Variants in DNAH1 observed in about 807,000 individuals in gnomAD.
The protein encoded by DNAH1 is axonemal beta dynein heavy chain 1.
In DNAH1, 327 loss-of-function variants were observed where a neutral mutation model predicts 484.3. The ratio of observed to expected loss-of-function variants is 0.68; its 90% CI spans 0.62 to 0.74. The LOEUF is 0.74. Ranked by LOEUF, DNAH1 falls within the 30% of genes least tolerant of loss-of-function variation. The pLI is 0.00. For missense variants in DNAH1, 5,052 were observed against 5,546.8 expected, an observed-to-expected ratio of 0.91 and a Z score of 2.83; for synonymous variants, 2,192 against 2,191.9, an observed-to-expected ratio of 1.00 and a Z score of 0.00.
rs1266001581 is a variant in DNAH1 at position 52,391,281 on chromosome 3, G to A, written c.9844G>A (p.Val3282Met). ...TGGCAAGCCATGTCTCCTGGAGAAC[G>A]TGGGCGAGGAGCTAGACCCAGCCCT... is the stretch of plus-strand genomic sequence containing the variant. ...RFGKPCLLEN[V>M]GEELDPALEP... The change falls in exon 62 of 78, where the codon GTG becomes ATG. Residue 3282 changes from valine (V) to methionine (M), a missense_variant. Transcript: ENST00000420323. The A allele has an allele frequency of 1.2e-5, 19 of 1,613,140 alleles. No individual in the cohort carries two copies. Among genetic ancestry groups the A allele is most frequent in the Middle Eastern group, 3.3e-4 (2 of 6,062 alleles).
chr3:52,321,070 G>C (rs753755935), intron 1 of DNAH1, among the ~76,000 whole-genome samples: 1 of 151,570 alleles, frequency 6.6e-6, no homozygotes, highest in African/African-American at 2.4e-5. Flanking sequence ...GAAGTGCTGG[G>C]ATTACAGGCA....
intron 45 of DNAH1, 111 bp downstream of exon 45, chr3:52,375,524 C>T (rs1237737826): frequency 8.3e-6 from 10 of 1,210,442 alleles, no homozygotes; most frequent in Admixed American, 2.2e-5. Context: ...AAACCATGAC[C>T]GCAACCCTGG....
At chr3:52,335,742 C>G (rs1701720873) in intron 8 of DNAH1, among the ~76,000 whole-genome samples, 1 of 151,914 alleles carries the variant, frequency 6.6e-6, no homozygotes, top group African/African-American at 2.4e-5. Flanking sequence ...TCAAGTGATT[C>G]TCCTGCCTCA....
chr3:52,319,520 C>T (rs148853243), intron 1 of DNAH1, among the ~76,000 whole-genome samples: 110 of 152,356 alleles, frequency 7.2e-4, no homozygotes, highest in African/African-American at 2.5e-3. Context: ...ATTCACCATT[C>T]CCAACACTGT....
intron 70 of DNAH1, among the ~76,000 whole-genome samples, 194 bp from the exon 71 acceptor site, chr3:52,396,174 T>C (rs986659856): frequency 2.0e-5 from 3 of 152,046 alleles, no homozygotes; most frequent in Non-Finnish European, 4.4e-5. Flanking sequence ...ACCTCGTGAT[T>C]CGCCTGCCTT....
intron 8 of DNAH1, among the ~76,000 whole-genome samples, chr3:52,339,336 C>CT (rs964636313): frequency 3.3e-5 from 5 of 151,844 alleles, no homozygotes; most frequent in Non-Finnish European, 7.4e-5. Context: ...TGATTTGACT[C>CT]TGTTTTCTCT....
chr3:52,397,686 T>C (rs1704695278), intron 73 of DNAH1, 21 bp from the exon 74 acceptor site: 1 of 1,573,632 alleles, frequency 6.4e-7, no homozygotes, highest in African/African-American at 1.4e-5. Flanking sequence ...GGGGCTTCCA[T>C]GTTGGCCTCC....
chr3:52,366,522 G>C lies in DNAH1; in HGVS notation c.5584G>C (p.Gly1862Arg), dbSNP rs374197097. Residue 1862 changes from glycine to arginine, a missense_variant, in exon 35 of 78, where the codon GGG becomes CGG. Gly to Arg is a moderately radical substitution (Grantham distance 125, BLOSUM62 -2). This residue lies in a region of DNAH1 where 2,929 missense variants were observed against 3,409.4 expected (regional missense o/e 0.86). Transcript: ENST00000420323. ...GGTACGACACGGCCTCATGCTCGTC[G>C]GGCCCACAGGCTCCGGCAAGAGTAC... is the stretch of plus-strand genomic sequence containing the variant. ...TVVRHGLMLVGPTGSGKSTCY... is the reference protein window; with the variant it reads ...TVVRHGLMLVRPTGSGKSTCY... The C allele has an allele frequency of 6.3e-6, 10 of 1,599,916 alleles. No individual in the cohort carries two copies. The highest frequency in any genetic ancestry group is 8.5e-6 in the Non-Finnish European group (10 of 1,173,814).
At position 52,366,592 on chromosome 3, in the gene DNAH1, C is replaced by T. The variant is rs772388563; in HGVS notation, c.5610+44C>T. 1.6e-5 allele frequency: 25 copies of T among 1,564,698 alleles called. 1 individual carries two copies. In the South Asian group the frequency reaches 2.8e-4, roughly 18 times the overall value. The stretch of plus-strand genomic sequence containing the variant: ...GGCAGCCAGTGTCCGGATAGTGGGC[C>T]TGTAGGGGGGTGCAGCTTCAACAGG... On this transcript the variant is annotated intron_variant, in intron 35 of 77. Coordinates refer to ENST00000420323, the MANE Select transcript of DNAH1 (RefSeq NM_015512.5).
At chr3:52,327,361 A>T (rs1701384440) in intron 5 of DNAH1, among the ~76,000 whole-genome samples, 1 of 152,018 alleles carries the variant, frequency 6.6e-6, no homozygotes, top group Non-Finnish European at 1.5e-5. Context: ...TCTGGCTTTC[A>T]CCCACCTCCC....
At chr3:52,312,042 C>G (rs1428736643), upstream of DNAH1, among the ~76,000 whole-genome samples, 1 of 152,236 alleles carries the variant, frequency 6.6e-6, no homozygotes, top group African/African-American at 2.4e-5. Context: ...TCCTCAGGCC[C>G]ACCTGCCTTC....
chr3:52,360,197 G>C, intron 27 of DNAH1, 114 bp from the exon 28 acceptor site: 1 of 1,519,862 alleles, frequency 6.6e-7, no homozygotes. Flanking sequence ...GGACAAGCTG[G>C]GTATGGGTAC....
chr3:52,346,541 A>G lies in DNAH1; in HGVS notation c.1726A>G (p.Met576Val). ...KVAMRSSLRDMSKGWYNLYET... is the reference protein window; with the variant it reads ...KVAMRSSLRDVSKGWYNLYET... ...GGCCATGCGCAGCAGCCTGCGCGAC[A>G]TGAGCAAGGGCTGGTACAACCTCTA... is the stretch of plus-strand genomic sequence containing the variant. Residue 576 changes from methionine (M) to valine (V), a missense_variant, in exon 11 of 78, where the codon ATG (methionine) becomes GTG (valine). Physicochemically the swap from Met to Val is conservative, Grantham distance 21 (BLOSUM62 1). Around this residue, in one of 4 missense-constraint regions of DNAH1, gnomAD observed 1,263 missense variants for 1,218.8 expected, o/e 1.04. Transcript: ENST00000420323. The G allele has an allele frequency of 6.2e-7, 1 of 1,614,000 alleles. No individual in the cohort carries two copies. Among genetic ancestry groups the G allele is most frequent in the Non-Finnish European group, 8.5e-7 (1 of 1,179,866 alleles).
chr3:52,336,493 G>T (rs1701747506), intron 8 of DNAH1, among the ~76,000 whole-genome samples: 1 of 152,168 alleles, frequency 6.6e-6, no homozygotes, highest in South Asian at 2.1e-4. Context: ...GGTGGAGGTT[G>T]CAGTGAGCCG....
Position 52,362,800 on chromosome 3 carries a change from G to T in DNAH1, c.5095-195G>T, listed in dbSNP as rs1039503329. ...GAGGGGCATCTCCTGGGAGTCATGT[G>T]GGGGCAGGTTTGGATCAACACCAAG... On this transcript the variant is annotated intron_variant, in intron 31 of 77. Transcript: ENST00000420323. This position sits in a 1 kb window ranked among gnomAD's most constrained non-coding sequence, Gnocchi z 5.1. 6.6e-6 allele frequency among the ~76,000 whole-genome samples: 1 copy of T among 152,134 alleles called. No individual in the cohort carries two copies. The highest frequency in any genetic ancestry group is 2.1e-4 in the South Asian group (1 of 4,830).
At chr3:52,387,358 G>A (rs184821968) in intron 56 of DNAH1, among the ~76,000 whole-genome samples, 1 of 152,234 alleles carries the variant, frequency 6.6e-6, no homozygotes, top group African/African-American at 2.4e-5. Context: ...TGGGCACGTG[G>A]TCTCTCGGGG....
chr3:52,384,096 G>A, intron 52 of DNAH1, 65 bp downstream of exon 52: 2 of 1,442,530 alleles, frequency 1.4e-6, no homozygotes, highest in Non-Finnish European at 1.8e-6. Flanking sequence ...TGGGCTCAGG[G>A]TCACCAAGGT....
At position 52,388,550 on chromosome 3, in the gene DNAH1, A is replaced by G. The variant is rs1413770541; in HGVS notation, c.9304A>G (p.Lys3102Glu). 1.9e-6 allele frequency: 3 copies of G among 1,613,008 alleles called. No individual in the cohort carries two copies. The highest frequency in any genetic ancestry group is 2.7e-5 in the African/African-American group (2 of 74,932). Residue 3102 changes from lysine to glutamate, a missense_variant, in exon 58 of 78, where the codon AAG becomes GAG. Around this residue, in one of 4 missense-constraint regions of DNAH1, gnomAD observed 2,929 missense variants for 3,409.4 expected, o/e 0.86. Transcript: ENST00000420323. Reference sequence around the variant, plus strand: ...TAAGTACCGGGAATGCATTACCAAGAAGGAGGAGCTGGAGCTGAAGTGTGA... The same window carrying G: ...TAAGTACCGGGAATGCATTACCAAGGAGGAGGAGCTGGAGCTGAAGTGTGA... ...QAKYRECITK[K>E]EELELKCEQC...
rs766811915 is a variant in DNAH1, at chr3:52,394,571, C to T, written c.10733C>T (p.Ser3578Leu). The T allele has an allele frequency of 2.2e-5, 35 of 1,612,642 alleles. No individual in the cohort carries two copies. Among genetic ancestry groups the T allele is most frequent in the Admixed American group, 1.0e-4 (6 of 59,774 alleles). The change falls in exon 67 of 78, where the codon TCG becomes TTG. Residue 3578 changes from serine (S) to leucine (L), a missense_variant. Ser to Leu is a moderately radical substitution (Grantham distance 145, BLOSUM62 -2). Around this residue, in one of 4 missense-constraint regions of DNAH1, gnomAD observed 853 missense variants for 899.0 expected, o/e 0.95. Coordinates refer to ENST00000420323, the MANE Select transcript of DNAH1 (RefSeq NM_015512.5). ...DRAWRDILALSNLPTFSSFSS... is the reference protein window; with the variant it reads ...DRAWRDILALLNLPTFSSFSS... ...GCTTGGCGAGACATCCTAGCACTCT[C>T]GAACCTGCCAACCTTTTCCTCCTTC...
Sources: gnomAD v4.1 joint callset for allele counts (sites outside exome capture counted in the v4.1 genomes callset) on GRCh38, gnomAD v4.1.1 for gene constraint, gnomAD v4.1.1 regional missense constraint, Gnocchi (gnomAD v3.1) non-coding constraint, MANE v1.5 for transcripts, NCBI Gene and HGNC (gene_info 2026-07-23, HGNC 2026-07-21) for gene names.